ARHGAP32: variants seen among roughly 807,000 people sequenced by gnomAD.
The protein encoded by ARHGAP32 is rho GTPase-activating protein 32.
In ARHGAP32, 51 loss-of-function variants were observed where a neutral mutation model predicts 186.5. The ratio of observed to expected loss-of-function variants is 0.27; its 90% confidence interval spans 0.22 to 0.35. The LOEUF (loss-of-function observed/expected upper bound fraction) is 0.35. ARHGAP32 is among the 10% of genes least tolerant of loss of function. ARHGAP32 has a pLI of 1.00. For synonymous variants in ARHGAP32, 950 were observed against 964.3 expected (o/e 0.99, Z 0.27); for missense variants, 2,186 against 2,623.5 (o/e 0.83, Z 3.64).
intron 11 of ARHGAP32, among the ~76,000 whole-genome samples, chr11:129,025,996 C>A (rs565184149): frequency 6.6e-6 from 1 of 151,244 alleles, no homozygotes; most frequent in Non-Finnish European, 1.5e-5. Context: ...TAACTGTATT[C>A]CACAATCATT....
intron 1 of ARHGAP32, among the ~76,000 whole-genome samples, chr11:129,208,328 A>G (rs1944541104): frequency 6.6e-6 from 1 of 152,218 alleles, no homozygotes; most frequent in African/African-American, 2.4e-5. Flanking sequence ...ACACAGATTC[A>G]TGAGATGATA....
chr11:129,032,887 T>G (rs1385870764), intron 11 of ARHGAP32, among the ~76,000 whole-genome samples: 1 of 152,172 alleles, frequency 6.6e-6, no homozygotes, highest in Non-Finnish European at 1.5e-5. Flanking sequence ...AACAGAACAT[T>G]ACCAGTACTC....
At chr11:129,118,704 GAACAGGT>G (rs1019821302) in intron 5 of ARHGAP32, among the ~76,000 whole-genome samples, 3 of 151,954 alleles carry the variant, frequency 2.0e-5, no homozygotes, top group African/African-American at 7.2e-5. Context: ...ACCCTTCAAA[GAACAGGT>G]AATTCCCATT....
chr11:129,245,939 A>G (rs1945090768), intron 1 of ARHGAP32, among the ~76,000 whole-genome samples: 1 of 152,168 alleles, frequency 6.6e-6, no homozygotes. Context: ...TTTCTCAGAT[A>G]AAAGGAAATC....
intron 6 of ARHGAP32, among the ~76,000 whole-genome samples, chr11:129,075,943 C>A (rs1941027334): frequency 6.6e-6 from 1 of 152,132 alleles, no homozygotes; most frequent in South Asian, 2.1e-4. Context: ...CAGGTCGGTA[C>A]AAAATACAGA....
chr11:129,177,540 A>T (rs915361704), intron 1 of ARHGAP32, among the ~76,000 whole-genome samples: 9 of 152,230 alleles, frequency 5.9e-5, no homozygotes, highest in African/African-American at 2.2e-4. Context: ...AACCCTTAAT[A>T]AAATACTGGC....
At chr11:129,059,119 G>A (rs1031597153) in intron 10 of ARHGAP32, among the ~76,000 whole-genome samples, 5 of 152,148 alleles carry the variant, frequency 3.3e-5, no homozygotes, top group Non-Finnish European at 5.9e-5. Flanking sequence ...CTGACATGAA[G>A]AACGTTAATA....
chr11:129,217,121 T>C (rs1220612328), intron 1 of ARHGAP32, among the ~76,000 whole-genome samples: 3 of 152,202 alleles, frequency 2.0e-5, no homozygotes, highest in Non-Finnish European at 4.4e-5. Context: ...TTTGACTTTA[T>C]GTTTGTTAAT....
chr11:129,162,232 C>A (rs770462678), intron 2 of ARHGAP32, among the ~76,000 whole-genome samples: 21 of 152,164 alleles, frequency 1.4e-4, no homozygotes, highest in Middle Eastern at 6.8e-3. Flanking sequence ...CACCATGGCA[C>A]ATGTATACCT....
chr11:129,011,642 T>C (rs1379394381), intron 11 of ARHGAP32, among the ~76,000 whole-genome samples: 2 of 152,164 alleles, frequency 1.3e-5, no homozygotes, highest in Non-Finnish European at 2.9e-5. Context: ...CAAAACATTT[T>C]AAAACACTGG....
intron 1 of ARHGAP32, among the ~76,000 whole-genome samples, chr11:129,180,698 C>T (rs1014176521): frequency 3.3e-5 from 5 of 152,002 alleles, no homozygotes; most frequent in African/African-American, 9.7e-5. Flanking sequence ...TCATATCTAA[C>T]AAAAAAGCTG....
intron 5 of ARHGAP32, among the ~76,000 whole-genome samples, chr11:129,118,966 C>CA (rs750080393): frequency 6.6e-6 from 1 of 152,056 alleles, no homozygotes; most frequent in African/African-American, 2.4e-5. Flanking sequence ...ACTTCTATTA[C>CA]ATGAGCAATT....
intron 10 of ARHGAP32, among the ~76,000 whole-genome samples, chr11:129,043,706 A>G (rs1939697121): frequency 6.6e-6 from 1 of 151,972 alleles, no homozygotes; most frequent in African/African-American, 2.4e-5. Context: ...AATTTCTTGA[A>G]GGAGAATTGC....
chr11:129,243,531 C>G (rs151051311), intron 1 of ARHGAP32, among the ~76,000 whole-genome samples: 92 of 152,302 alleles, frequency 6.0e-4, no homozygotes, highest in African/African-American at 2.1e-3. Flanking sequence ...CTCCACCAAA[C>G]CATTCTGCAG....
At chr11:129,181,526 A>G (rs1944053546) in intron 1 of ARHGAP32, among the ~76,000 whole-genome samples, 1 of 152,166 alleles carries the variant, frequency 6.6e-6, no homozygotes, top group Admixed American at 6.6e-5. Flanking sequence ...TTTTCAAAGG[A>G]TATTAATAAA....
intron 1 of ARHGAP32, among the ~76,000 whole-genome samples, chr11:129,243,846 G>A (rs965642045): frequency 2.0e-5 from 3 of 152,114 alleles, no homozygotes; most frequent in African/African-American, 7.2e-5. Context: ...AAAGTAACCC[G>A]CACTTTCCTG....
At position 129,064,832 on chromosome 11, in the gene ARHGAP32, A is replaced by G. The variant is rs1940632398; in HGVS notation, c.762+9T>C. ...ATACATTTTTCATGAAAAGTGAATT[A>G]GGAAATACCTCCATCCAGGTAAGGG... On this transcript the variant is annotated intron_variant, in intron 8 of 22. Transcript: ENST00000682385. The G allele has an allele frequency of 6.4e-7, 1 of 1,569,518 alleles. No homozygotes were observed. The highest frequency in any genetic ancestry group is 1.4e-5 in the African/African-American group (1 of 73,564).
intron 5 of ARHGAP32, among the ~76,000 whole-genome samples, chr11:129,113,346 CTACAT>C (rs1205225771): frequency 3.9e-5 from 6 of 152,090 alleles, no homozygotes; most frequent in Non-Finnish European, 8.8e-5. Context: ...ACAGTATGTA[CTACAT>C]TAAACTGTAT....
At chr11:129,181,461 T>A (rs1944052573) in intron 1 of ARHGAP32, among the ~76,000 whole-genome samples, 1 of 152,142 alleles carries the variant, frequency 6.6e-6, no homozygotes, top group African/African-American at 2.4e-5. Flanking sequence ...TCTGTGTGCC[T>A]GGAACTGATA....
Sources: gnomAD v4.1 joint callset for allele counts (sites outside exome capture counted in the v4.1 genomes callset) on GRCh38, gnomAD v4.1.1 for gene constraint, MANE v1.5 for transcripts, NCBI Gene and HGNC (gene_info 2026-07-23, HGNC 2026-07-21) for gene names.